The following C3orf70 variants were observed in gnomAD, a reference collection of about 807,000 sequenced individuals.
C3orf70 encodes UPF0524 protein C3orf70.
C3orf70 carries 15 observed loss-of-function variants against 20.7 expected under a neutral mutation model. That is an observed-to-expected ratio of 0.72 (90% CI 0.48 to 1.11). The LOEUF (loss-of-function observed/expected upper bound fraction) is 1.11. Ranked by LOEUF, C3orf70 falls within the 50% of genes most tolerant of loss-of-function variation. C3orf70 has a pLI of 0.00. For missense variants in C3orf70, 332 were observed against 317.6 expected, an observed-to-expected ratio of 1.05 and a Z score of -0.34; for synonymous variants, 161 against 125.7, an observed-to-expected ratio of 1.28 and a Z score of -1.88.
At chr3:185,105,130 A>T (rs1715903532) in intron 1 of C3orf70, among the ~76,000 whole-genome samples, 1 of 152,250 alleles carries the variant, frequency 6.6e-6, no homozygotes. Flanking sequence ...AAATATACTA[A>T]AACAATGACT....
chr3:185,100,878 A>G (rs1715807763), intron 1 of C3orf70, among the ~76,000 whole-genome samples: 1 of 152,224 alleles, frequency 6.6e-6, no homozygotes, highest in Non-Finnish European at 1.5e-5. Context: ...TCACAGAAAT[A>G]CAAATAACCA....
intron 1 of C3orf70, among the ~76,000 whole-genome samples, chr3:185,127,992 T>C (rs1283654786): frequency 3.3e-5 from 5 of 152,206 alleles, no homozygotes; most frequent in Non-Finnish European, 7.3e-5. Context: ...CTTATGCTTA[T>C]AGTTCTTATA....
rs1199858193 is a variant in C3orf70, at chr3:185,079,108, C to G, written c.*3899G>C. The G allele has an allele frequency of 6.6e-6, 1 of 151,706 alleles. No individual in the cohort carries two copies. The highest frequency in any genetic ancestry group is 2.1e-4 in the South Asian group (1 of 4,800). The allele number at this position is 151,706 out of a possible 1,614,324, so 9.4% of individuals were successfully genotyped here. A position where few individuals can be genotyped will look rare whatever the true frequency, so the allele number is the denominator to read the frequency against. On this transcript the variant is annotated 3_prime_UTR_variant, in exon 2 of 2. Transcript: ENST00000335012. ...CATCCTGGCTAACACGGTGAAACCCCGTTTCTACTAAAAATACAAAAAATT... is the reference window on the plus strand; with the variant it reads ...CATCCTGGCTAACACGGTGAAACCCGGTTTCTACTAAAAATACAAAAAATT...
intron 1 of C3orf70, among the ~76,000 whole-genome samples, chr3:185,141,052 T>C (rs1577334814): frequency 1.3e-5 from 2 of 151,326 alleles, no homozygotes; most frequent in Middle Eastern, 6.9e-3. Flanking sequence ...TGATGAGAAA[T>C]CAGCAATCTA....
At chr3:185,141,801 A>AAAC (rs370778005) in intron 1 of C3orf70, among the ~76,000 whole-genome samples, 23 of 146,460 alleles carry the variant, frequency 1.6e-4, no homozygotes, top group Admixed American at 2.1e-4. Flanking sequence ...ATGCAAAGGA[A>AAAC]ACACACACAC....
At chr3:185,145,960 A>T (rs11926271) in intron 1 of C3orf70, among the ~76,000 whole-genome samples, 25 of 151,846 alleles carry the variant, frequency 1.6e-4, no homozygotes, top group Non-Finnish European at 2.2e-4. Flanking sequence ...ACCTATCAGC[A>T]TTCTCTATCT....
chr3:185,136,707 G>C (rs919488085), intron 1 of C3orf70, among the ~76,000 whole-genome samples: 1 of 152,072 alleles, frequency 6.6e-6, no homozygotes, highest in Non-Finnish European at 1.5e-5. Context: ...CTGGGCGACA[G>C]AGCGAAGACT....
At chr3:185,150,034 T>C (rs1473578708) in intron 1 of C3orf70, among the ~76,000 whole-genome samples, 1 of 151,414 alleles carries the variant, frequency 6.6e-6, no homozygotes, top group Non-Finnish European at 1.5e-5. Context: ...AAAAAAAGAG[T>C]GTATGTACAG....
rs1406856400 is a variant in C3orf70 at position 185,152,674 on chromosome 3, G to C, written c.150C>G (p.Gly50=). ...AGCACCAGTGCAGCTTGAAGCACTT[G>C]CCATGGCTGTGCGTGGCACAGATAG... The part of the protein sequence containing the change: ...GLSICATHSH[G]KCFKLHWCCH... Residue 50 remains glycine (G), a synonymous_variant, in exon 1 of 2, where the codon GGC becomes GGG. Coordinates refer to ENST00000335012, the MANE Select transcript of C3orf70 (RefSeq NM_001025266.3). 6.3e-7 allele frequency: 1 copy of C among 1,592,710 alleles called. No homozygotes were observed. The highest frequency in any genetic ancestry group is 1.1e-5 in the South Asian group (1 of 88,484).
At position 185,081,986 on chromosome 3, in the gene C3orf70, TAACTAA is replaced by T. The variant is rs566901172; in HGVS notation, c.*1015_*1020del. The T allele has an allele frequency of 3.9e-5, 6 of 152,506 alleles. No homozygotes were observed. Among genetic ancestry groups the T allele is most frequent in the Non-Finnish European group, 8.8e-5 (6 of 68,028 alleles). The allele number at this position is 152,506 out of a possible 1,614,324, so 9.4% of individuals were successfully genotyped here. On this transcript the variant is annotated 3_prime_UTR_variant, in exon 2 of 2. Transcript: ENST00000335012. ...GCTTCTGTCTGTAGCATTTCCATGCTAACTAAAACTATTAATTTATTTTTTTTCCTT... is the reference window on the plus strand; with the variant it reads ...GCTTCTGTCTGTAGCATTTCCATGCTAACTATTAATTTATTTTTTTTCCTT...
At chr3:185,131,117 C>A (rs960270641) in intron 1 of C3orf70, among the ~76,000 whole-genome samples, 1 of 152,212 alleles carries the variant, frequency 6.6e-6, no homozygotes, top group Non-Finnish European at 1.5e-5. Context: ...TCCTCACCAA[C>A]ACTTATCTTT....
At chr3:185,124,967 C>T (rs1016793010) in intron 1 of C3orf70, among the ~76,000 whole-genome samples, 2 of 152,116 alleles carry the variant, frequency 1.3e-5, no homozygotes, top group African/African-American at 4.8e-5. Flanking sequence ...TACTATAACA[C>T]ATATATTTAA....
In C3orf70 at chr3:185,076,855, G is replaced by A. The variant is rs1322143923; in HGVS notation, c.*6152C>T. Among the ~76,000 whole-genome samples, 1 of 152,212 alleles carries A rather than the reference G, an allele frequency of 6.6e-6. No individual in the cohort carries two copies. ...AATGAGGATGAGATGCTAAATTAAA[G>A]TTTATTGCAGAATAAAAGTGTGTGC... On this transcript the variant is annotated 3_prime_UTR_variant, in exon 2 of 2. Transcript: ENST00000335012.
Position 185,145,119 on chromosome 3 carries a change from G to A in C3orf70, c.196+7509C>T, listed in dbSNP as rs76980392. 3.8e-3 allele frequency among the ~76,000 whole-genome samples: 581 copies of A among 152,298 alleles called. 3 individuals carry two copies. Among genetic ancestry groups the A allele is most frequent in the African/African-American group, 0.014 (561 of 41,554 alleles). ...TTCTACTAGACAACTTCTGGTTGCC[G>A]AAGGCCTGTGTTCCTATACTGATTT... is the stretch of plus-strand genomic sequence containing the variant. On this transcript the variant is annotated intron_variant, in intron 1 of 1. Transcript: ENST00000335012.
intron 1 of C3orf70, among the ~76,000 whole-genome samples, chr3:185,150,126 A>G (rs1716958509): frequency 6.6e-6 from 1 of 152,192 alleles, no homozygotes; most frequent in African/African-American, 2.4e-5. Flanking sequence ...TTTTCATTAC[A>G]CCCATATACA....
At chr3:185,094,474 A>T (rs888827841) in intron 1 of C3orf70, among the ~76,000 whole-genome samples, 4 of 152,024 alleles carry the variant, frequency 2.6e-5, no homozygotes, top group African/African-American at 9.7e-5. Flanking sequence ...GAGCCGGTGG[A>T]TATGAAGAGC....
intron 1 of C3orf70, among the ~76,000 whole-genome samples, chr3:185,085,678 C>T (rs1715444642): frequency 7.0e-6 from 1 of 142,104 alleles, no homozygotes; most frequent in Admixed American, 6.8e-5. Context: ...GTAATTACTA[C>T]TTGTCAGGCA....
chr3:185,091,237 T>C (rs747955004), intron 1 of C3orf70, among the ~76,000 whole-genome samples: 13 of 151,980 alleles, frequency 8.6e-5, no homozygotes, highest in Non-Finnish European at 1.8e-4. Flanking sequence ...TTTATATGGA[T>C]ATTAGAAGAC....
At chr3:185,090,616 T>C (rs572061687) in intron 1 of C3orf70, among the ~76,000 whole-genome samples, 1 of 152,368 alleles carries the variant, frequency 6.6e-6, no homozygotes, top group Non-Finnish European at 1.5e-5. Flanking sequence ...TTTTGAATTA[T>C]AATTATGTTT....
Sources: allele counts gnomAD v4.1 joint callset (sites outside exome capture counted in the v4.1 genomes callset), GRCh38; gene constraint gnomAD v4.1.1; transcripts MANE v1.5; gene names NCBI Gene and HGNC (gene_info 2026-07-23, HGNC 2026-07-21).